The following PGAP2 variants were observed in gnomAD, a reference collection of about 807,000 sequenced individuals.
The protein encoded by PGAP2 is post-GPI attachment to proteins 2.
PGAP2 carries 21 observed loss-of-function variants against 33.2 expected under a neutral mutation model. The ratio of observed to expected loss-of-function variants is 0.63; its 90% CI spans 0.45 to 0.91. The LOEUF (loss-of-function observed/expected upper bound fraction) is 0.91, where lower values mean the gene tolerates loss of function less well. Ranked by LOEUF, PGAP2 falls within the 40% of genes least tolerant of loss-of-function variation. PGAP2 has a pLI of 0.00. For synonymous variants in PGAP2, 161 were observed against 172.9 expected (o/e 0.93, Z 0.54); for missense variants, 345 against 424.0 (o/e 0.81, Z 1.64).
At position 3,824,280 on chromosome 11, in the gene PGAP2, A is replaced by G. The variant is rs765922763; in HGVS notation, c.612A>G (p.Glu204=). Residue 204 remains glutamate, a synonymous_variant, in exon 5 of 7, where the codon GAA becomes GAG. Coordinates refer to ENST00000278243, the MANE Select transcript of PGAP2 (RefSeq NM_014489.4). ...CCTCTTTCCCTCCAGCCATCCACGAAAATGCTTTCATTGTGTTCATTGCCT... is the reference window on the plus strand; with the variant it reads ...CCTCTTTCCCTCCAGCCATCCACGAGAATGCTTTCATTGTGTTCATTGCCT... ...VSSSEDFTIH[E]NAFIVFIASS... is the part of the protein sequence containing the mutation. 5 of 1,614,048 alleles carry G rather than the reference A, an allele frequency of 3.1e-6. No homozygotes were observed. Among genetic ancestry groups the G allele is most frequent in the Non-Finnish European group, 4.2e-6 (5 of 1,180,044 alleles).
intron 1 of PGAP2, among the ~76,000 whole-genome samples, chr11:3,810,665 G>A (rs368829782): frequency 6.6e-6 from 1 of 152,242 alleles, no homozygotes; most frequent in Non-Finnish European, 1.5e-5. Context: ...TGAGGGAGCA[G>A]GCTGGGACAA....
chr11:3,814,308 G>A (rs1168935223), intron 2 of PGAP2, among the ~76,000 whole-genome samples: 1 of 152,162 alleles, frequency 6.6e-6, no homozygotes, highest in African/African-American at 2.4e-5. Context: ...CTAGGCTGGA[G>A]TGCAGTGTTG....
At position 3,820,614 on chromosome 11, in the gene PGAP2, C is replaced by T. The variant is rs377288484; in HGVS notation, c.348+3079C>T. Among the ~76,000 whole-genome samples the T allele has an allele frequency of 1.4e-4, 21 of 151,648 alleles. 1 individual carries two copies. In the East Asian group the frequency reaches 2.3e-3, roughly 17 times the overall value. ...GGTGGAGTTTGCAATGAGTTGAGAC[C>T]GCACCATTGCACTCCAGCCTAGGCA... is the stretch of plus-strand genomic sequence containing the variant. On this transcript the variant is annotated intron_variant, in intron 3 of 6. Transcript: ENST00000278243.
chr11:3,815,993 T>C (rs1590285008), intron 2 of PGAP2, among the ~76,000 whole-genome samples: 1 of 152,186 alleles, frequency 6.6e-6, no homozygotes, highest in African/African-American at 2.4e-5. Flanking sequence ...CTCAGGAAGG[T>C]CCCTGCCCCC....
At chr11:3,807,183 A>G (rs1205943400), upstream of PGAP2, among the ~76,000 whole-genome samples, 1 of 149,832 alleles carries the variant, frequency 6.7e-6, no homozygotes, top group South Asian at 2.1e-4. Flanking sequence ...TAAAAACTAC[A>G]AAAATTAGCT....
At chr11:3,819,570 T>C (rs1199051800) in intron 3 of PGAP2, among the ~76,000 whole-genome samples, 1 of 152,060 alleles carries the variant, frequency 6.6e-6, no homozygotes, top group East Asian at 1.9e-4. Flanking sequence ...AATCTTATGG[T>C]GAAATCTGAG....
chr11:3,814,816 T>G (rs10767618), intron 2 of PGAP2, among the ~76,000 whole-genome samples: 1 of 117,710 alleles, frequency 8.5e-6, no homozygotes, highest in Admixed American at 8.9e-5. Context: ...TTCTTTCTCT[T>G]TCTTTCTTTT....
chr11:3,797,936 G>C (rs1590029044), exon 1 of PGAP2: 1 of 1,548,570 alleles, frequency 6.5e-7, no homozygotes, highest in Non-Finnish European at 8.7e-7. Flanking sequence ...CGCGACTCGG[G>C]CTGAGGGAGC....
At chr11:3,799,632 C>T (rs1198754875) in intron 1 of PGAP2, among the ~76,000 whole-genome samples, 5 of 152,060 alleles carry the variant, frequency 3.3e-5, no homozygotes, top group Non-Finnish European at 5.9e-5. Context: ...TCTGGGTTTT[C>T]GGTGATGGCA....
intron 3 of PGAP2, among the ~76,000 whole-genome samples, chr11:3,819,441 G>T (rs1460675453): frequency 6.6e-6 from 1 of 152,004 alleles, no homozygotes; most frequent in Non-Finnish European, 1.5e-5. Context: ...GAGAGGTGTA[G>T]AAAGTGGGAT....
upstream of PGAP2, among the ~76,000 whole-genome samples, chr11:3,806,525 G>C (rs962919097): frequency 2.0e-5 from 3 of 152,158 alleles, no homozygotes; most frequent in Non-Finnish European, 4.4e-5. Context: ...CTGTCAAAGA[G>C]AGGGCCTAGA....
At chr11:3,800,163 A>C (rs570623547) in intron 1 of PGAP2, among the ~76,000 whole-genome samples, 45 of 152,328 alleles carry the variant, frequency 3.0e-4, no homozygotes, top group Admixed American at 1.1e-3. Flanking sequence ...CCCCTACTTT[A>C]CAACCACACT....
At chr11:3,822,949 G>A in intron 3 of PGAP2, 1 of 1,543,302 alleles carries the variant, frequency 6.5e-7, no homozygotes, top group Admixed American at 2.0e-5. Context: ...TAAGATGGAT[G>A]GTGGAGATGC....
At chr11:3,815,984 T>C (rs866561428) in intron 2 of PGAP2, among the ~76,000 whole-genome samples, 30 of 152,322 alleles carry the variant, frequency 2.0e-4, no homozygotes, top group African/African-American at 6.3e-4. Context: ...GATACAACTC[T>C]CAGGAAGGTC....
At chr11:3,824,932 G>A (rs1565065326) in intron 5 of PGAP2, 88 bp from the exon 6 acceptor site, 3 of 1,580,970 alleles carry the variant, frequency 1.9e-6, no homozygotes, top group South Asian at 1.2e-5. Flanking sequence ...GGGAGATAAG[G>A]CCCAGCCCTT....
intron 3 of PGAP2, among the ~76,000 whole-genome samples, chr11:3,822,150 G>A (rs2088856156): frequency 2.0e-5 from 3 of 151,324 alleles, no homozygotes; most frequent in African/African-American, 7.3e-5. Flanking sequence ...GGATCACGAG[G>A]TCAGGAGATT....
At chr11:3,799,121 G>T (rs1393739967) in intron 1 of PGAP2, among the ~76,000 whole-genome samples, 3 of 152,212 alleles carry the variant, frequency 2.0e-5, no homozygotes, top group African/African-American at 7.2e-5. Context: ...CTTCTTGGAA[G>T]TCCTTCTGGG....
At chr11:3,819,085 G>A (rs1476167254) in intron 3 of PGAP2, among the ~76,000 whole-genome samples, 1 of 152,190 alleles carries the variant, frequency 6.6e-6, no homozygotes, top group African/African-American at 2.4e-5. Context: ...ATCTCACTCT[G>A]TCTCCCAGGC....
intron 2 of PGAP2, 42 bp from the exon 3 acceptor site, chr11:3,817,311 G>C: frequency 6.5e-7 from 1 of 1,535,436 alleles, no homozygotes; most frequent in East Asian, 2.3e-5. Context: ...CCAGACCCAG[G>C]TGTCCTACCA....
Sources: allele counts gnomAD v4.1 joint callset (sites outside exome capture counted in the v4.1 genomes callset), GRCh38; gene constraint gnomAD v4.1.1; transcripts MANE v1.5; gene names NCBI Gene and HGNC (gene_info 2026-07-23, HGNC 2026-07-21).